The following KCNN1 variants were observed in gnomAD, a reference collection of about 807,000 sequenced individuals.
KCNN1 encodes potassium calcium-activated channel subfamily N member 1.
A neutral mutation model predicts 44.7 loss-of-function variants in KCNN1; 20 were observed. That is an observed-to-expected ratio of 0.45 (90% CI 0.32 to 0.65). KCNN1 has a LOEUF of 0.65. KCNN1 is among the 30% of genes least tolerant of loss of function. KCNN1 has a pLI of 0.05. For missense variants in KCNN1, 632 were observed against 785.3 expected, an observed-to-expected ratio of 0.80 and a Z score of 2.33; for synonymous variants, 324 against 341.7, an observed-to-expected ratio of 0.95 and a Z score of 0.57.
At chr19:17,968,064 T>C (rs1014659745) in intron 1 of KCNN1, among the ~76,000 whole-genome samples, 4 of 19,636 alleles carry the variant, frequency 2.0e-4, no homozygotes, top group East Asian at 1.5e-3. Context: ...CCTGTGATTA[T>C]TGGGGGAGGG....
intron 3 of KCNN1, among the ~76,000 whole-genome samples, chr19:17,979,432 CAAAAA>C (rs35265456): frequency 2.0e-5 from 1 of 48,786 alleles, no homozygotes; most frequent in African/African-American, 8.3e-5. Flanking sequence ...GACTCCGTCT[CAAAAA>C]AAAAAAAAAA....
At chr19:17,979,210 G>A (rs2032310643) in intron 3 of KCNN1, among the ~76,000 whole-genome samples, 1 of 150,714 alleles carries the variant, frequency 6.6e-6, no homozygotes, top group Non-Finnish European at 1.5e-5. Context: ...GAGGTGGGCG[G>A]ATCACGAGGT....
In KCNN1 at chr19:17,999,640, A is replaced by G. The variant is rs969856256; in HGVS notation, c.*1234A>G. 16 of 217,124 alleles carry G rather than the reference A, an allele frequency of 7.4e-5. No homozygotes were observed. Among genetic ancestry groups the G allele is most frequent in the Non-Finnish European group, 1.5e-4 (15 of 102,730 alleles). The allele number at this position is 217,124 out of a possible 1,614,324, so 13.4% of individuals were successfully genotyped here. On this transcript the variant is annotated 3_prime_UTR_variant, in exon 10 of 10. Coordinates refer to ENST00000684775, the MANE Select transcript of KCNN1 (RefSeq NM_001386974.1). ...GGGGAGGGTTCCAGACACAAGTAGA[A>G]TCAGAAAGGTCCCTGGAGGCCATGG... is the stretch of plus-strand genomic sequence containing the variant.
chr19:17,971,654 G>A (rs903837562), intron 1 of KCNN1, among the ~76,000 whole-genome samples: 2 of 151,636 alleles, frequency 1.3e-5, no homozygotes, highest in African/African-American at 4.8e-5. Context: ...AGTAGAGACG[G>A]GGTTTCACCA....
At chr19:17,967,339 G>T in intron 1 of KCNN1, 22 bp downstream of exon 1, 3 of 983,288 alleles carry the variant, frequency 3.1e-6, no homozygotes, top group Non-Finnish European at 3.6e-6. Context: ...GATGGGTGAG[G>T]GTGCGGGAGG....
intron 9 of KCNN1, among the ~76,000 whole-genome samples, chr19:17,997,833 G>C (rs150219307): frequency 1.3e-5 from 2 of 152,030 alleles, no homozygotes; most frequent in African/African-American, 4.8e-5. Flanking sequence ...GGAAAGAGGA[G>C]GTTGTAATGA....
At chr19:17,992,179 T>C (rs978097979) in intron 7 of KCNN1, among the ~76,000 whole-genome samples, 2 of 133,752 alleles carry the variant, frequency 1.5e-5, no homozygotes, top group African/African-American at 5.7e-5. Context: ...AAAAATTAGC[T>C]GAGCGTGGTG....
rs191542284 is a variant in KCNN1 at position 17,980,094 on chromosome 19, C to T, written c.499-1615C>T. Among the ~76,000 whole-genome samples the T allele has an allele frequency of 1.1e-3, 169 of 149,874 alleles. 1 individual carries two copies. In the Middle Eastern group the frequency reaches 0.014, roughly 12 times the overall value. On this transcript the variant is annotated intron_variant, in intron 3 of 9. Transcript: ENST00000684775. ...TTTTTTTTTATCGAGACAAGAGTCT[C>T]ACTCTGTTGCCCAGGCTGGAGTGCA... is the stretch of plus-strand genomic sequence containing the variant.
upstream of KCNN1, among the ~76,000 whole-genome samples, chr19:17,963,416 G>A (rs2031730464): frequency 6.6e-6 from 1 of 151,206 alleles, no homozygotes; most frequent in South Asian, 2.1e-4. Context: ...AAGTTCAAGC[G>A]ATTCTCCTGC....
chr19:17,963,206 G>A (rs185770129), upstream of KCNN1, among the ~76,000 whole-genome samples: 1 of 151,452 alleles, frequency 6.6e-6, no homozygotes, highest in Admixed American at 6.6e-5. Flanking sequence ...GTAAAGACGG[G>A]GTTTCACCGT....
intron 5 of KCNN1, 140 bp downstream of exon 5, chr19:17,985,593 C>T: frequency 1.4e-6 from 1 of 698,290 alleles, no homozygotes. Flanking sequence ...TCTGTCAGTC[C>T]ACCCCTCCCC....
At chr19:17,964,663 A>G (rs2031756649), upstream of KCNN1, among the ~76,000 whole-genome samples, 1 of 152,186 alleles carries the variant, frequency 6.6e-6, no homozygotes, top group Admixed American at 6.5e-5. This position sits in a 1 kb window ranked among gnomAD's most constrained non-coding sequence, Gnocchi z 4.3. Context: ...TCCCACCTCC[A>G]TCCAACCTTG....
In KCNN1 at chr19:17,993,435, T is replaced by A; in HGVS notation, c.1308-55T>A. The A allele has an allele frequency of 1.5e-6, 2 of 1,299,626 alleles. No homozygotes were observed. The highest frequency in any genetic ancestry group is 2.2e-6 in the Non-Finnish European group (2 of 906,098). The allele number at this position is 1,299,626 out of a possible 1,614,324, so 80.5% of individuals were successfully genotyped here. Reference sequence around the variant, plus strand: ...GGTGCATGAAAGTCCCTGCCCCCACTGCAGCCTCCACGGGAACCTGCCTAA... The same window carrying A: ...GGTGCATGAAAGTCCCTGCCCCCACAGCAGCCTCCACGGGAACCTGCCTAA... On this transcript the variant is annotated intron_variant, in intron 8 of 9. Transcript: ENST00000684775. The surrounding 1 kb of genome is among the most constrained non-coding windows in gnomAD (Gnocchi z 4.5).
At chr19:17,989,887 G>A in intron 7 of KCNN1, 44 bp downstream of exon 7, 1 of 1,610,554 alleles carries the variant, frequency 6.2e-7, no homozygotes, top group Non-Finnish European at 8.5e-7. Flanking sequence ...TGTCCACATG[G>A]CGCGGAGGCA....
rs1256734651 is a variant in KCNN1 at position 17,985,396 on chromosome 19, C to T, written c.1002C>T (p.Gly334=). Residue 334 remains glycine, a synonymous_variant, in exon 5 of 10, where the codon GGC becomes GGT. Coordinates refer to ENST00000684775, the MANE Select transcript of KCNN1 (RefSeq NM_001386974.1). ...TCACCTTCCTCTCCATTGGCTACGG[C>T]GACATGGTGCCCCACACCTACTGCG... ...ISITFLSIGY[G]DMVPHTYCGK... 3.7e-6 allele frequency: 6 copies of T among 1,611,392 alleles called. No homozygotes were observed. The Admixed American group carries it at 5.0e-5, about 13-fold the overall frequency.
chr19:17,956,482 C>G (rs1391644907), intron 2 of KCNN1, among the ~76,000 whole-genome samples: 1 of 152,142 alleles, frequency 6.6e-6, no homozygotes, highest in Non-Finnish European at 1.5e-5. Flanking sequence ...GTGGCTGATG[C>G]CTGTGATCCC....
Position 17,998,565 on chromosome 19 carries a change from C to T in KCNN1, c.*159C>T. The T allele has an allele frequency of 1.3e-6, 1 of 743,060 alleles. No homozygotes were observed. Among genetic ancestry groups the T allele is most frequent in the Non-Finnish European group, 2.0e-6 (1 of 491,292 alleles). The allele number at this position is 743,060 out of a possible 1,614,324, so 46.0% of individuals were successfully genotyped here. ...CCGCCCAGACTGCCCAGGCAGAGGG[C>T]AGGGCTGGACCATGGGTGAGGGCAG... On this transcript the variant is annotated 3_prime_UTR_variant, in exon 10 of 10. Coordinates refer to ENST00000684775, the MANE Select transcript of KCNN1 (RefSeq NM_001386974.1). The surrounding 1 kb of genome is among the most constrained non-coding windows in gnomAD (Gnocchi z 5.4).
chr19:17,956,286 TG>T (rs1370884271), intron 2 of KCNN1, among the ~76,000 whole-genome samples: 14 of 152,018 alleles, frequency 9.2e-5, no homozygotes, highest in Non-Finnish European at 1.9e-4. Context: ...AAGCTGCCCA[TG>T]GGGGTGTGGA....
rs1284220768 is a variant in KCNN1 at position 17,993,988 on chromosome 19, G to A, written c.1377+429G>A. Among the ~76,000 whole-genome samples the A allele has an allele frequency of 6.6e-6, 1 of 152,074 alleles. No individual in the cohort carries two copies. Among genetic ancestry groups the A allele is most frequent in the Non-Finnish European group, 1.5e-5 (1 of 68,018 alleles). On this transcript the variant is annotated intron_variant, in intron 9 of 9. Transcript: ENST00000684775. The surrounding 1 kb of genome is among the most constrained non-coding windows in gnomAD (Gnocchi z 4.5). ...ATTAGGGGGCTAAATGGGTGAAGAG[G>A]TATTTCTAGATTTAGGCATACCACC...
Sources: gnomAD v4.1 joint callset for allele counts (sites outside exome capture counted in the v4.1 genomes callset) on GRCh38, gnomAD v4.1.1 for gene constraint, Gnocchi (gnomAD v3.1) non-coding constraint, MANE v1.5 for transcripts, NCBI Gene and HGNC (gene_info 2026-07-23, HGNC 2026-07-21) for gene names.